PPP3CA: variants seen among roughly 807,000 people sequenced by gnomAD.
PPP3CA encodes the protein protein phosphatase 3 catalytic subunit alpha.
A neutral mutation model predicts 66.5 loss-of-function variants in PPP3CA; 14 were observed. That is an observed-to-expected ratio of 0.21 (90% CI 0.14 to 0.33). The LOEUF is 0.33. Ranked by LOEUF, PPP3CA falls within the 10% of genes least tolerant of loss-of-function variation. PPP3CA has a pLI of 1.00. For synonymous variants in PPP3CA, 232 were observed against 226.2 expected (o/e 1.03, Z -0.23); for missense variants, 317 against 639.5 (o/e 0.50, Z 5.44).
intron 1 of PPP3CA, among the ~76,000 whole-genome samples, chr4:101,264,116 A>G (rs1234732247): frequency 3.9e-5 from 6 of 152,252 alleles, no homozygotes; most frequent in African/African-American, 1.4e-4. Context: ...CAAAATAGAC[A>G]TAAAAAGTAA....
chr4:101,119,152 A>G (rs1273772622), intron 2 of PPP3CA, among the ~76,000 whole-genome samples: 3 of 152,014 alleles, frequency 2.0e-5, no homozygotes, highest in East Asian at 3.8e-4. Context: ...CAATGTGGCC[A>G]TGAGTAAACT....
chr4:101,332,618 A>T (rs1407067303), intron 1 of PPP3CA, among the ~76,000 whole-genome samples: 2 of 152,270 alleles, frequency 1.3e-5, no homozygotes, highest in African/African-American at 4.8e-5. Context: ...TGTCTTTCAA[A>T]GGAGCTGTCC....
chr4:101,323,562 T>C (rs1474971921), intron 1 of PPP3CA, among the ~76,000 whole-genome samples: 1 of 152,206 alleles, frequency 6.6e-6, no homozygotes, highest in Non-Finnish European at 1.5e-5. Context: ...CCAATTTCCC[T>C]GATCAAAAAT....
intron 1 of PPP3CA, among the ~76,000 whole-genome samples, chr4:101,323,588 A>G (rs542034390): frequency 6.6e-6 from 1 of 152,334 alleles, no homozygotes; most frequent in South Asian, 2.1e-4. Flanking sequence ...TTTAACCTAA[A>G]TAATCTCTCA....
intron 1 of PPP3CA, among the ~76,000 whole-genome samples, chr4:101,345,537 A>C (rs1466129753): frequency 6.6e-6 from 1 of 152,148 alleles, no homozygotes; most frequent in Non-Finnish European, 1.5e-5. Flanking sequence ...CGCACAGCTC[A>C]TGCCCATCTC....
intron 1 of PPP3CA, among the ~76,000 whole-genome samples, chr4:101,206,295 A>G (rs1480254832): frequency 2.6e-5 from 4 of 152,204 alleles, no homozygotes; most frequent in Non-Finnish European, 2.9e-5. Context: ...CACCTACAAT[A>G]ATATTCTCTC....
intron 2 of PPP3CA, among the ~76,000 whole-genome samples, chr4:101,187,969 A>T (rs562675544): frequency 6.6e-6 from 1 of 152,288 alleles, no homozygotes; most frequent in Middle Eastern, 3.4e-3. Flanking sequence ...ATGTCATTTC[A>T]AAAATATTCT....
intron 2 of PPP3CA, among the ~76,000 whole-genome samples, chr4:101,131,246 A>G (rs895381776): frequency 3.3e-5 from 4 of 120,152 alleles, no homozygotes; most frequent in Non-Finnish European, 8.1e-5. Flanking sequence ...CAAAATAAAT[A>G]AATAAATAAA....
intron 1 of PPP3CA, among the ~76,000 whole-genome samples, chr4:101,238,059 C>T (rs1726182649): frequency 6.6e-6 from 1 of 152,042 alleles, no homozygotes; most frequent in South Asian, 2.1e-4. Context: ...AATAAACCTA[C>T]TGCACACAAA....
At chr4:101,325,717 A>G (rs1158387931) in intron 1 of PPP3CA, among the ~76,000 whole-genome samples, 1 of 152,206 alleles carries the variant, frequency 6.6e-6, no homozygotes, top group African/African-American at 2.4e-5. Flanking sequence ...TAGAAAAAAT[A>G]TGGCTTCTAC....
intron 1 of PPP3CA, among the ~76,000 whole-genome samples, chr4:101,335,482 A>G (rs1345231235): frequency 6.6e-6 from 1 of 152,150 alleles, no homozygotes; most frequent in Non-Finnish European, 1.5e-5. Flanking sequence ...CCTGTATTAT[A>G]AATGAAAGGT....
chr4:101,062,494 A>G (rs936032961), intron 9 of PPP3CA, among the ~76,000 whole-genome samples: 1 of 152,000 alleles, frequency 6.6e-6, no homozygotes, highest in African/African-American at 2.4e-5. Flanking sequence ...TCACCTTCTC[A>G]TGGAAAGTAT....
At chr4:101,181,452 T>C (rs896805764) in intron 2 of PPP3CA, among the ~76,000 whole-genome samples, 1 of 152,056 alleles carries the variant, frequency 6.6e-6, no homozygotes, top group Non-Finnish European at 1.5e-5. Flanking sequence ...GAAATTTACA[T>C]AACTTAGAAT....
At position 101,025,638 on chromosome 4, in the gene PPP3CA, C is replaced by T. The variant is rs988493271; in HGVS notation, c.*227G>A. On this transcript the variant is annotated 3_prime_UTR_variant, in exon 14 of 14. Coordinates refer to ENST00000394854, the MANE Select transcript of PPP3CA (RefSeq NM_000944.5). ...TTTCTCTATAAGCATTTTTAAAAGG[C>T]ATACCCAAAAGAGGTGTTTAATCAC... The T allele has an allele frequency of 1.5e-5, 6 of 412,738 alleles. No homozygotes were observed. Among genetic ancestry groups the T allele is most frequent in the African/African-American group, 8.2e-5 (4 of 48,716 alleles). 25.6% of individuals were successfully genotyped at this position (412,738 alleles called of 1,614,324 possible). A position where few individuals can be genotyped will look rare whatever the true frequency, so the allele number is the denominator to read the frequency against.
At chr4:101,033,045 T>G (rs1578389748) in intron 11 of PPP3CA, among the ~76,000 whole-genome samples, 1 of 152,112 alleles carries the variant, frequency 6.6e-6, no homozygotes, top group Non-Finnish European at 1.5e-5. Context: ...ATCAATCAGT[T>G]TTAAGTACAT....
At position 101,199,072 on chromosome 4, in the gene PPP3CA, T is replaced by C. The variant is rs764481966; in HGVS notation, c.59-2956A>G. 4.9e-4 allele frequency among the ~76,000 whole-genome samples: 74 copies of C among 152,308 alleles called. 1 individual carries two copies. Among genetic ancestry groups the C allele is most frequent in the Admixed American group, 2.4e-3 (37 of 15,294 alleles). ...GATGCCGCCAGCCAGTGAAAAGTTTTCTAGGACAAAAAATAAGACTGGGCT... is the reference window on the plus strand; with the variant it reads ...GATGCCGCCAGCCAGTGAAAAGTTTCCTAGGACAAAAAATAAGACTGGGCT... On this transcript the variant is annotated intron_variant, in intron 1 of 13. Transcript: ENST00000394854.
At chr4:101,172,331 T>C (rs929180859) in intron 2 of PPP3CA, among the ~76,000 whole-genome samples, 1 of 152,176 alleles carries the variant, frequency 6.6e-6, no homozygotes, top group African/African-American at 2.4e-5. Flanking sequence ...GCTTCAGCTA[T>C]TTCATCTACA....
intron 1 of PPP3CA, among the ~76,000 whole-genome samples, chr4:101,227,022 A>G (rs143470192): frequency 8.6e-5 from 13 of 151,920 alleles, no homozygotes; most frequent in African/African-American, 2.6e-4. Flanking sequence ...ACTTTAAATA[A>G]GCATTCCAAA....
At chr4:101,241,850 G>A (rs1016345806) in intron 1 of PPP3CA, among the ~76,000 whole-genome samples, 3 of 152,000 alleles carry the variant, frequency 2.0e-5, no homozygotes, top group African/African-American at 4.8e-5. Context: ...ATTAATACAT[G>A]TACACTTAGT....
Sources: allele counts gnomAD v4.1 joint callset (sites outside exome capture counted in the v4.1 genomes callset), GRCh38; gene constraint gnomAD v4.1.1; transcripts MANE v1.5; gene names NCBI Gene and HGNC (gene_info 2026-07-23, HGNC 2026-07-21).